The following PROM1 variants were observed in gnomAD, a reference collection of about 807,000 sequenced individuals.
The protein encoded by PROM1 is prominin-1.
In PROM1, 105 loss-of-function variants were observed where a neutral mutation model predicts 116.9. The observed-to-expected ratio is 0.90, with a 90% CI of 0.77 to 1.06. The LOEUF is 1.06. Among genes scored for constraint, PROM1 ranks in the 50% least tolerant of loss-of-function variants. The probability of loss-of-function intolerance (pLI) is 0.00; values close to 1 mark genes in which losing one functional copy is unlikely to be tolerated. For missense variants in PROM1, 1,122 were observed against 1,045.2 expected (o/e 1.07, Z -1.01); for synonymous variants, 393 against 387.0 (o/e 1.02, Z -0.18).
chr4:16,029,861 G>A (rs996555172), intron 5 of PROM1, among the ~76,000 whole-genome samples: 40 of 152,186 alleles, frequency 2.6e-4, no homozygotes, highest in Middle Eastern at 3.4e-3. Context: ...TCCCATCTCC[G>A]CTGAAGTCAA....
At position 16,000,436 on chromosome 4, in the gene PROM1, T is replaced by C. The variant is rs1723471718; in HGVS notation, c.1578+60A>G. On this transcript the variant is annotated intron_variant, in intron 14 of 27. Coordinates refer to ENST00000447510, the MANE Select transcript of PROM1 (RefSeq NM_006017.3). The stretch of plus-strand genomic sequence containing the variant: ...ACTGCTCTTAAAGTAATGCACAATA[T>C]ATGAAGAAATCCAAGTTTCTGTTCA... 2.1e-6 allele frequency: 3 copies of C among 1,445,766 alleles called. No individual in the cohort carries two copies. The Admixed American group carries it at 6.0e-5, about 29-fold the overall frequency. The allele number at this position is 1,445,766 out of a possible 1,614,324, so 89.6% of individuals were successfully genotyped here.
At chr4:15,970,129 C>T (rs1228704194) in intron 27 of PROM1, among the ~76,000 whole-genome samples, 3 of 151,162 alleles carry the variant, frequency 2.0e-5, no homozygotes, top group Admixed American at 6.6e-5. Context: ...CCATGCCTGG[C>T]TTATTGTTTT....
chr4:16,028,966 T>G (rs988355653), intron 5 of PROM1, among the ~76,000 whole-genome samples: 1 of 152,226 alleles, frequency 6.6e-6, no homozygotes, highest in Non-Finnish European at 1.5e-5. Flanking sequence ...ACCTTACTTT[T>G]AAACCTTTAC....
At chr4:16,071,476 C>A (rs1295127457) in intron 2 of PROM1, among the ~76,000 whole-genome samples, 1 of 152,116 alleles carries the variant, frequency 6.6e-6, no homozygotes, top group Non-Finnish European at 1.5e-5. Context: ...AAGCGTTAAC[C>A]CCTGACATGA....
chr4:16,083,899 C>T (rs7669150), intron 1 of PROM1, 79 bp downstream of exon 1: 146,451 of 152,326 alleles, frequency 0.96, 70,456 homozygotes, highest in East Asian at 1. Context: ...CGGGGGGACC[C>T]GTTGCGGCTT....
At chr4:16,008,925 C>T (rs747035576) in intron 12 of PROM1, 24 bp downstream of exon 12, 8 of 1,545,008 alleles carry the variant, frequency 5.2e-6, no homozygotes, top group East Asian at 2.3e-5. Context: ...TCTCGTAGTT[C>T]ACCAGCTCCA....
At chr4:16,016,317 T>C in intron 9 of PROM1, 77 bp from the exon 10 acceptor site, 4 of 1,195,160 alleles carry the variant, frequency 3.3e-6, no homozygotes, top group Non-Finnish European at 4.8e-6. Flanking sequence ...GAAGTCATTG[T>C]ATATTCCAAG....
At chr4:15,997,905 G>A (rs960675571) in intron 15 of PROM1, among the ~76,000 whole-genome samples, 3 of 152,220 alleles carry the variant, frequency 2.0e-5, no homozygotes, top group South Asian at 2.1e-4. Flanking sequence ...GTGGAACAGA[G>A]AAGATGTGGA....
chr4:16,039,475 C>G (rs1734680702), intron 2 of PROM1, among the ~76,000 whole-genome samples: 1 of 152,222 alleles, frequency 6.6e-6, no homozygotes, highest in Non-Finnish European at 1.5e-5. Flanking sequence ...CCGTGGCTCA[C>G]ACCCGTAATC....
chr4:16,049,202 C>T (rs57985350), intron 2 of PROM1, among the ~76,000 whole-genome samples: 2 of 152,238 alleles, frequency 1.3e-5, no homozygotes, highest in African/African-American at 4.8e-5. Flanking sequence ...GCCTTTGTCC[C>T]TGCTGTTCCT....
intron 23 of PROM1, among the ~76,000 whole-genome samples, chr4:15,981,313 G>GT (rs1382150671): frequency 6.7e-6 from 1 of 149,296 alleles, no homozygotes; most frequent in Non-Finnish European, 1.5e-5. Flanking sequence ...GCTCATTCCT[G>GT]TAATCTCAGC....
chr4:16,077,466 A>C (rs921403079), intron 1 of PROM1, among the ~76,000 whole-genome samples: 1 of 152,118 alleles, frequency 6.6e-6, no homozygotes, highest in Non-Finnish European at 1.5e-5. Flanking sequence ...AATAAATACT[A>C]AGGGAACTCA....
chr4:15,989,966 G>A (rs1357377278), intron 18 of PROM1, 142 bp from the exon 19 acceptor site: 3 of 663,404 alleles, frequency 4.5e-6, no homozygotes, highest in Non-Finnish European at 7.9e-6. Context: ...ATGGGGGCTG[G>A]TGTGAGGGAT....
At chr4:16,081,917 A>G (rs2149619806) in intron 1 of PROM1, among the ~76,000 whole-genome samples, 1 of 75,942 alleles carries the variant, frequency 1.3e-5, no homozygotes, top group African/African-American at 3.5e-5. Context: ...ACATGAAAAA[A>G]AAAACAAGAA....
chr4:16,070,739 C>T (rs1342254398), intron 2 of PROM1, among the ~76,000 whole-genome samples: 2 of 152,162 alleles, frequency 1.3e-5, no homozygotes, highest in African/African-American at 2.4e-5. Flanking sequence ...ACATCCAAAC[C>T]TTGGCTTCTA....
At chr4:15,999,395 C>T (rs144976009) in intron 14 of PROM1, among the ~76,000 whole-genome samples, 1,677 of 151,842 alleles carry the variant, frequency 0.011, 13 homozygotes, top group Non-Finnish European at 0.017. Context: ...GGCATGAAAC[C>T]GGGAGGCGGA....
chr4:16,044,952 T>A (rs11733193), intron 2 of PROM1, among the ~76,000 whole-genome samples: 17 of 152,042 alleles, frequency 1.1e-4, no homozygotes, highest in African/African-American at 4.1e-4. Flanking sequence ...TATGGAAGAT[T>A]GAGAGGCATC....
At chr4:16,074,789 C>T (rs1257710050) in intron 2 of PROM1, among the ~76,000 whole-genome samples, 1 of 152,164 alleles carries the variant, frequency 6.6e-6, no homozygotes, top group African/African-American at 2.4e-5. Context: ...CTCTCTTCCT[C>T]CCTCTCTCTC....
Position 16,030,267 on chromosome 4 carries a change from CACT to C in PROM1, c.509+3034_509+3036del, listed in dbSNP as rs572039728. Among the ~76,000 whole-genome samples, 415 of 152,254 alleles carry C rather than the reference CACT, an allele frequency of 2.7e-3. 1 individual carries two copies. Among genetic ancestry groups the C allele is most frequent in the Non-Finnish European group, 4.5e-3 (303 of 68,026 alleles). On this transcript the variant is annotated intron_variant, in intron 5 of 27. Transcript: ENST00000447510. The stretch of plus-strand genomic sequence containing the variant: ...TTAAAGTGAGAAAAAAAAATTCACA[CACT>C]ACTCTTATTTAAGCCTATTTATAAT...
Sources: allele counts gnomAD v4.1 joint callset (sites outside exome capture counted in the v4.1 genomes callset), GRCh38; gene constraint gnomAD v4.1.1; transcripts MANE v1.5; gene names NCBI Gene and HGNC (gene_info 2026-07-23, HGNC 2026-07-21).